FRMD4B: variants seen among roughly 807,000 people sequenced by gnomAD.
FRMD4B encodes the protein FERM domain-containing protein 4B.
Under a neutral mutation model 141.5 loss-of-function variants are expected in FRMD4B, and 74 were observed. The observed-to-expected ratio is 0.52, with a 90% CI of 0.43 to 0.63. FRMD4B has a LOEUF of 0.63. Ranked by LOEUF, FRMD4B falls within the 30% of genes least tolerant of loss-of-function variation. The pLI, the probability that FRMD4B is intolerant of heterozygous loss-of-function variation, is 0.00. For synonymous variants in FRMD4B, 506 were observed against 467.9 expected, an observed-to-expected ratio of 1.08 and a Z score of -1.05; for missense variants, 1,366 against 1,253.4, an observed-to-expected ratio of 1.09 and a Z score of -1.36.
intron 1 of FRMD4B, among the ~76,000 whole-genome samples, chr3:69,356,633 AAT>A (rs1000651618): frequency 1.8e-4 from 26 of 147,222 alleles, no homozygotes; most frequent in African/African-American, 6.3e-4. Context: ...ACATATATAT[AAT>A]ATATATACAT....
intron 4 of FRMD4B, among the ~76,000 whole-genome samples, chr3:69,292,815 C>CTTT (rs35818040): frequency 0.46 from 55,950 of 120,490 alleles, 13,602 homozygotes; most frequent in Non-Finnish European, 0.52. Flanking sequence ...TTTTTTCAGC[C>CTTT]TTTTTTTTTT....
intron 8 of FRMD4B, among the ~76,000 whole-genome samples, chr3:69,224,105 T>G (rs1163932349): frequency 6.6e-6 from 1 of 151,962 alleles, no homozygotes; most frequent in African/African-American, 2.4e-5. Context: ...AAAACGTAAT[T>G]TAGAAAAAAA....
rs1018830147 is a variant in FRMD4B at position 69,266,949 on chromosome 3, T to C, written c.502-16850A>G. Among the ~76,000 whole-genome samples the C allele has an allele frequency of 1.4e-4, 21 of 152,348 alleles. No individual in the cohort carries two copies. The South Asian group carries it at 3.7e-3, about 27-fold the overall frequency. ...TAACATTGCATACCTCCTTGTGAGA[T>C]GCAACTGAGGCCATTTCATCATCTA... On this transcript the variant is annotated intron_variant, in intron 5 of 22. Transcript: ENST00000398540.
At chr3:69,325,798 C>G (rs539085130) in intron 1 of FRMD4B, among the ~76,000 whole-genome samples, 2 of 152,230 alleles carry the variant, frequency 1.3e-5, no homozygotes, top group South Asian at 2.1e-4. Context: ...AGAGTCTGTG[C>G]TAAGTGCTTG....
At position 69,187,800 on chromosome 3, in the gene FRMD4B, T is replaced by G. The variant is rs763449095; in HGVS notation, c.1889A>C (p.Asn630Thr). 1 of 1,612,814 alleles carries G rather than the reference T, an allele frequency of 6.2e-7. No homozygotes were observed. The highest frequency in any genetic ancestry group is 8.5e-7 in the Non-Finnish European group (1 of 1,179,220). ...CTGCCTGGTATCCACAAACTGTTCA[T>G]TGATGGACGACTTTCTGAAATGGAT... ...ERIHFRKSSI[N>T]EQFVDTRQSR... The change falls in exon 19 of 23, where the codon AAT becomes ACT. Residue 630 changes from asparagine (N) to threonine (T), a missense_variant. By Grantham distance (65) the Asn-to-Thr change is moderately conservative (BLOSUM62 0). Coordinates refer to ENST00000398540, the MANE Select transcript of FRMD4B (RefSeq NM_015123.3).
chr3:69,247,252 G>T (rs1246690322), intron 7 of FRMD4B, among the ~76,000 whole-genome samples: 1 of 152,164 alleles, frequency 6.6e-6, no homozygotes, highest in African/African-American at 2.4e-5. Context: ...AGGAAACTGA[G>T]GCTCAGAGGG....
intron 7 of FRMD4B, among the ~76,000 whole-genome samples, chr3:69,233,084 T>C (rs1011843632): frequency 6.6e-6 from 1 of 151,796 alleles, no homozygotes; most frequent in Non-Finnish European, 1.5e-5. Flanking sequence ...AGCAAAGCGC[T>C]TCCTTACCTG....
In FRMD4B at chr3:69,206,224, C is replaced by A. The variant is rs112330678; in HGVS notation, c.877-7450G>T. ...AATTAGCCAGGCGTGGTGACATGCA[C>A]CTGTAGTCCCAGCTACTCGGGAGGC... On this transcript the variant is annotated intron_variant, in intron 11 of 22. Transcript: ENST00000398540. Among the ~76,000 whole-genome samples, 408 of 152,212 alleles carry A rather than the reference C, an allele frequency of 2.7e-3. 2 individuals are homozygous for A. The highest frequency in any genetic ancestry group is 9.1e-3 in the African/African-American group (376 of 41,534).
chr3:69,357,281 C>T (rs1008337168), intron 1 of FRMD4B, among the ~76,000 whole-genome samples: 3 of 152,208 alleles, frequency 2.0e-5, no homozygotes. Context: ...ATGCTATATC[C>T]AACTTGAAAC....
chr3:69,524,734 A>C (rs1700907826), intron 1 of FRMD4B, among the ~76,000 whole-genome samples: 1 of 152,196 alleles, frequency 6.6e-6, no homozygotes, highest in Non-Finnish European at 1.5e-5. Context: ...TTTAAATGGG[A>C]ATAACTCAGA....
chr3:69,221,778 A>G (rs763613052), intron 9 of FRMD4B, 80 bp downstream of exon 9: 8 of 771,988 alleles, frequency 1.0e-5, no homozygotes, highest in Non-Finnish European at 1.8e-5. Context: ...CACAAAAACT[A>G]CACAACAGAA....
At chr3:69,267,765 T>C (rs2093574740) in intron 5 of FRMD4B, among the ~76,000 whole-genome samples, 1 of 151,148 alleles carries the variant, frequency 6.6e-6, no homozygotes, top group Non-Finnish European at 1.5e-5. Flanking sequence ...CCCAGGTAGC[T>C]TGAATTACAG....
At position 69,181,509 on chromosome 3, in the gene FRMD4B, G is replaced by A. The variant is rs781523093; in HGVS notation, c.2241C>T (p.Thr747=). Residue 747 remains threonine, a synonymous_variant, in exon 21 of 23, where the codon ACC becomes ACT. Coordinates refer to ENST00000398540, the MANE Select transcript of FRMD4B (RefSeq NM_015123.3). ...STEYYCVTPV[T]GPYYTTQTLD... is the part of the protein sequence containing the mutation. ...GGGTCTGGGTGGTGTAATAGGGGCC[G>A]GTAACTGGTGTCACACAGTAATACT... is the stretch of plus-strand genomic sequence containing the variant. 40 of 1,613,598 alleles carry A rather than the reference G, an allele frequency of 2.5e-5. No homozygotes were observed. Among genetic ancestry groups the A allele is most frequent in the Admixed American group, 2.0e-4 (12 of 59,998 alleles).
chr3:69,372,218 C>G (rs182716926), intron 1 of FRMD4B, among the ~76,000 whole-genome samples: 67 of 152,302 alleles, frequency 4.4e-4, no homozygotes, highest in Admixed American at 7.2e-4. Context: ...CGGAAAGAAG[C>G]CTTTTGTCAC....
intron 7 of FRMD4B, among the ~76,000 whole-genome samples, chr3:69,243,300 A>G (rs796863808): frequency 1.3e-5 from 2 of 151,354 alleles, no homozygotes; most frequent in South Asian, 4.1e-4. Context: ...GAAACAAAAT[A>G]AAAAGGGAGG....
At chr3:69,536,743 T>TTTTTTAA in intron 1 of FRMD4B, 1 of 568,576 alleles carries the variant, frequency 1.8e-6, no homozygotes, top group South Asian at 1.8e-5. Context: ...CTCAGTTTAA[T>TTTTTTAA]TTTTTTAATT....
chr3:69,259,350 C>T (rs908670273), intron 5 of FRMD4B, among the ~76,000 whole-genome samples: 2 of 152,190 alleles, frequency 1.3e-5, no homozygotes, highest in African/African-American at 4.8e-5. Flanking sequence ...GTTCACCCAC[C>T]CGCTGCTCAT....
intron 1 of FRMD4B, among the ~76,000 whole-genome samples, chr3:69,523,225 G>A (rs1298914509): frequency 6.6e-6 from 1 of 152,020 alleles, no homozygotes; most frequent in Non-Finnish European, 1.5e-5. Context: ...CTAGGCATTT[G>A]AAAAAGGATG....
chr3:69,449,516 C>G (rs543549244), intron 1 of FRMD4B, among the ~76,000 whole-genome samples: 1 of 152,214 alleles, frequency 6.6e-6, no homozygotes, highest in East Asian at 1.9e-4. Flanking sequence ...TCTCCTAGCC[C>G]CCATTCAAAT....
Sources: gnomAD v4.1 joint callset for allele counts (sites outside exome capture counted in the v4.1 genomes callset) on GRCh38, gnomAD v4.1.1 for gene constraint, MANE v1.5 for transcripts, NCBI Gene and HGNC (gene_info 2026-07-23, HGNC 2026-07-21) for gene names.